GKAP1: variants seen among roughly 807,000 people sequenced by gnomAD.
GKAP1 encodes the protein G kinase-anchoring protein 1.
GKAP1 carries 31 observed loss-of-function variants against 56.7 expected under a neutral mutation model. That is an observed-to-expected ratio of 0.55 (90% confidence interval 0.41 to 0.74). GKAP1 has a LOEUF of 0.74. Among genes scored for constraint, GKAP1 ranks in the 30% least tolerant of loss-of-function variants. The probability of loss-of-function intolerance (pLI) is 0.00; values close to 1 mark genes in which losing one functional copy is unlikely to be tolerated. For missense variants in GKAP1, 364 were observed against 402.3 expected (o/e 0.90, Z 0.82); for synonymous variants, 151 against 138.6 (o/e 1.09, Z -0.63).
chr9:83,781,082 G>T (rs907460448), intron 6 of GKAP1, among the ~76,000 whole-genome samples: 5 of 152,150 alleles, frequency 3.3e-5, no homozygotes, highest in African/African-American at 9.7e-5. Flanking sequence ...TACAAATAAG[G>T]CCAGGGGCTA....
At chr9:83,794,928 G>C (rs1944219123) in intron 4 of GKAP1, among the ~76,000 whole-genome samples, 1 of 151,906 alleles carries the variant, frequency 6.6e-6, no homozygotes. Flanking sequence ...GGTGGGGAGG[G>C]GAGGATCATC....
At chr9:83,757,279 C>G (rs901599847) in intron 8 of GKAP1, among the ~76,000 whole-genome samples, 4 of 151,898 alleles carry the variant, frequency 2.6e-5, no homozygotes, top group Admixed American at 2.0e-4. Context: ...TCTGCTCCAG[C>G]TAGAAGAAAA....
Position 83,748,358 on chromosome 9 carries a change from T to C in GKAP1, c.855A>G (p.Glu285=). 1 of 1,579,298 alleles carries C rather than the reference T, an allele frequency of 6.3e-7. No homozygotes were observed. The highest frequency in any genetic ancestry group is 8.6e-7 in the Non-Finnish European group (1 of 1,159,034). ...VITQWEAKYK[E]VKARNAQLLK... is the part of the protein sequence containing the mutation. Reference sequence around the variant, plus strand: ...ATAATTGTGCATTTCTTGCCTTTACTTCCTTATACTTTGCCTAATAGTCAA... The same window carrying C: ...ATAATTGTGCATTTCTTGCCTTTACCTCCTTATACTTTGCCTAATAGTCAA... The change falls in exon 10 of 13, where the codon GAA becomes GAG. Residue 285 remains glutamate (E), a synonymous_variant. Transcript: ENST00000376371.
intron 6 of GKAP1, among the ~76,000 whole-genome samples, chr9:83,782,787 C>T (rs1943997669): frequency 6.6e-6 from 1 of 151,422 alleles, no homozygotes; most frequent in African/African-American, 2.4e-5. Flanking sequence ...CTGCCTCAGC[C>T]TCTGGAGTAG....
intron 4 of GKAP1, among the ~76,000 whole-genome samples, chr9:83,793,737 C>T (rs765239480): frequency 8.6e-4 from 130 of 152,018 alleles, no homozygotes; most frequent in Admixed American, 3.3e-4. Context: ...AGAATATAAA[C>T]GTGTATGTGT....
chr9:83,740,372 C>T (rs549104706), intron 12 of GKAP1, among the ~76,000 whole-genome samples: 2 of 152,130 alleles, frequency 1.3e-5, no homozygotes, highest in African/African-American at 4.8e-5. Context: ...TTTAACATAA[C>T]ATAACATAAC....
At chr9:83,792,274 A>G (rs1944172357) in intron 4 of GKAP1, among the ~76,000 whole-genome samples, 1 of 152,220 alleles carries the variant, frequency 6.6e-6, no homozygotes, top group South Asian at 2.1e-4. Context: ...ATGTTGGAGA[A>G]TAGTAGAAAA....
chr9:83,776,927 T>G (rs1035264176), intron 7 of GKAP1, among the ~76,000 whole-genome samples: 15 of 32,074 alleles, frequency 4.7e-4, no homozygotes, highest in Non-Finnish European at 1.2e-3. Flanking sequence ...ATGTGGAGCA[T>G]TAGTGCTAAA....
intron 3 of GKAP1, 146 bp from the exon 4 acceptor site, chr9:83,799,474 TTG>T (rs2131312238): frequency 1.7e-6 from 1 of 593,890 alleles, no homozygotes; most frequent in Non-Finnish European, 2.9e-6. Flanking sequence ...AAGTTATTAT[TTG>T]TGTTTTCTAT....
chr9:83,804,407 G>GC (rs1418550491), intron 3 of GKAP1, among the ~76,000 whole-genome samples: 5 of 126,648 alleles, frequency 3.9e-5, no homozygotes, highest in Non-Finnish European at 8.3e-5. Flanking sequence ...GGGGGGGTCA[G>GC]CCCCCCGCCC....
At chr9:83,795,942 T>C (rs549563427) in intron 4 of GKAP1, among the ~76,000 whole-genome samples, 2 of 152,156 alleles carry the variant, frequency 1.3e-5, no homozygotes, top group Non-Finnish European at 2.9e-5. Context: ...GTGATTAAAG[T>C]AGCCAGCCTG....
Position 83,783,531 on chromosome 9 carries a change from A to G in GKAP1, c.562+1184T>C, listed in dbSNP as rs1587721487. On this transcript the variant is annotated intron_variant, in intron 6 of 12. Coordinates refer to ENST00000376371, the MANE Select transcript of GKAP1 (RefSeq NM_025211.4). ...CCACATTAAATATAATGTGCTTTGC[A>G]GTTTATCTTCAAAAGTTTAGTGGAT... Among the ~76,000 whole-genome samples, 3 of 152,244 alleles carry G rather than the reference A, an allele frequency of 2.0e-5. No homozygotes were observed. In the South Asian group the frequency reaches 6.2e-4, roughly 32 times the overall value.
intron 2 of GKAP1, 80 bp from the exon 3 acceptor site, chr9:83,806,640 A>G (rs530885720): frequency 1.3e-6 from 1 of 768,756 alleles, no homozygotes; most frequent in South Asian, 2.0e-5. Flanking sequence ...AACCATATGT[A>G]GATAAAATAA....
At chr9:83,806,225 A>G (rs1051672278) in intron 3 of GKAP1, 77 bp downstream of exon 3, 10 of 906,274 alleles carry the variant, frequency 1.1e-5, no homozygotes, top group African/African-American at 1.7e-5. Context: ...ATGGATACAC[A>G]GGGGAACAAG....
intron 2 of GKAP1, among the ~76,000 whole-genome samples, chr9:83,813,951 G>C (rs1188744057): frequency 6.6e-6 from 1 of 152,084 alleles, no homozygotes; most frequent in Non-Finnish European, 1.5e-5. Flanking sequence ...ATGTACAACA[G>C]TTAGCAGGCA....
At chr9:83,800,292 TA>T (rs869060430) in intron 3 of GKAP1, among the ~76,000 whole-genome samples, 166 of 140,632 alleles carry the variant, frequency 1.2e-3, no homozygotes, top group Middle Eastern at 3.7e-3. Context: ...AGGAGCAGTT[TA>T]AAAAAAAAAA....
intron 7 of GKAP1, among the ~76,000 whole-genome samples, chr9:83,776,481 G>C (rs1943864574): frequency 6.6e-6 from 1 of 152,158 alleles, no homozygotes; most frequent in African/African-American, 2.4e-5. Flanking sequence ...TGGATCACGA[G>C]GTCAAGAGAT....
chr9:83,784,027 G>A (rs1014866860), intron 6 of GKAP1, among the ~76,000 whole-genome samples: 1 of 149,842 alleles, frequency 6.7e-6, no homozygotes, highest in East Asian at 2.1e-4. Flanking sequence ...CAGTTTGGGA[G>A]GCCAAGGCAG....
intron 8 of GKAP1, among the ~76,000 whole-genome samples, chr9:83,763,771 G>T (rs1564194579): frequency 6.6e-6 from 1 of 152,100 alleles, no homozygotes; most frequent in East Asian, 1.9e-4. Flanking sequence ...AACATGTTCT[G>T]CTAAACATTT....
Sources: allele counts gnomAD v4.1 joint callset (sites outside exome capture counted in the v4.1 genomes callset), GRCh38; gene constraint gnomAD v4.1.1; transcripts MANE v1.5; gene names NCBI Gene and HGNC (gene_info 2026-07-23, HGNC 2026-07-21).